ACAP2: variants seen among roughly 807,000 people sequenced by gnomAD.
ACAP2 encodes ArfGAP with coiled-coil, ankyrin repeat and PH domains 2, also known as arf-GAP with coiled-coil, ANK repeat and PH domain-containing protein 2.
Under a neutral mutation model 115.8 loss-of-function variants are expected in ACAP2, and 39 were observed. The ratio of observed to expected loss-of-function variants is 0.34; its 90% CI spans 0.26 to 0.44. The LOEUF (loss-of-function observed/expected upper bound fraction) is 0.44. Ranked by LOEUF, ACAP2 falls within the 20% of genes least tolerant of loss-of-function variation. The pLI is 1.00. For missense variants in ACAP2, 662 were observed against 927.6 expected (o/e 0.71, Z 3.72); for synonymous variants, 289 against 315.8 (o/e 0.92, Z 0.90).
In ACAP2 at chr3:195,292,364, G is replaced by C; in HGVS notation, c.1854C>G (p.Asn618Lys). The C allele has an allele frequency of 6.2e-7, 1 of 1,614,034 alleles. No homozygotes were observed. Among genetic ancestry groups the C allele is most frequent in the African/African-American group, 1.3e-5 (1 of 75,022 alleles). Residue 618 changes from asparagine (N) to lysine (K), a missense_variant, in exon 19 of 23, where the codon AAC (asparagine) becomes AAG (lysine). This residue lies in a region of ACAP2 where 133 missense variants were observed against 123.1 expected (regional missense o/e 1.08). Transcript: ENST00000326793. ...LQLYRASYEK[N>K]LPKMAEALAH... is the part of the protein sequence containing the mutation. ...CCAAAGCCTCAGCCATTTTAGGAAG[G>C]TTTTTTTCATATGACGCCCTATAAA...
intron 6 of ACAP2, 39 bp from the exon 7 acceptor site, chr3:195,337,015 T>G (rs775863997): frequency 6.4e-7 from 1 of 1,557,456 alleles, no homozygotes; most frequent in Non-Finnish European, 8.8e-7. Context: ...CCATGCATTA[T>G]TTTAAAGCTA....
chr3:195,438,314 C>A (rs1236835590), intron 1 of ACAP2, among the ~76,000 whole-genome samples: 1 of 151,754 alleles, frequency 6.6e-6, no homozygotes, highest in Non-Finnish European at 1.5e-5. Context: ...AGGTTTGAGC[C>A]ACCACACCCA....
intron 1 of ACAP2, among the ~76,000 whole-genome samples, chr3:195,416,265 GAA>G (rs1247460673): frequency 6.6e-6 from 1 of 151,690 alleles, no homozygotes; most frequent in Non-Finnish European, 1.5e-5. Context: ...AGAATCGCTT[GAA>G]CCCAGGAGGC....
intron 1 of ACAP2, among the ~76,000 whole-genome samples, chr3:195,424,279 ATATATTTTTTTTTT>A (rs1714466202): frequency 2.0e-5 from 1 of 50,698 alleles, no homozygotes; most frequent in African/African-American, 7.0e-5. Context: ...ATATATATAT[ATATATTTTTTTTTT>A]TTTTTTTTTT....
At chr3:195,409,990 A>G (rs1713127027) in intron 1 of ACAP2, among the ~76,000 whole-genome samples, 1 of 152,122 alleles carries the variant, frequency 6.6e-6, no homozygotes, top group African/African-American at 2.4e-5. Flanking sequence ...AAAGAAAAGC[A>G]AAACTGGAGG....
chr3:195,293,637 T>C (rs544270415), intron 18 of ACAP2, among the ~76,000 whole-genome samples: 2 of 151,210 alleles, frequency 1.3e-5, no homozygotes, highest in South Asian at 4.2e-4. Context: ...AAGTCAGGAG[T>C]TCAAGACCAG....
chr3:195,433,746 T>C (rs531877503), intron 1 of ACAP2, among the ~76,000 whole-genome samples: 2 of 152,366 alleles, frequency 1.3e-5, no homozygotes, highest in South Asian at 4.1e-4. Flanking sequence ...GTATATTGCA[T>C]TGATTGATTT....
chr3:195,416,073 C>T (rs931111812), intron 1 of ACAP2, among the ~76,000 whole-genome samples: 1 of 152,138 alleles, frequency 6.6e-6, no homozygotes, highest in Admixed American at 6.5e-5. Flanking sequence ...GTCAGATGGG[C>T]GTGGTGGCTC....
rs190373907 is a variant in ACAP2 at position 195,402,079 on chromosome 3, C to T, written c.54-9932G>A. On this transcript the variant is annotated intron_variant, in intron 1 of 22. Coordinates refer to ENST00000326793, the MANE Select transcript of ACAP2 (RefSeq NM_012287.6). ...TGCACACTTCAAACAGAGCGCCTGA[C>T]ATTCAATTTACTAATGATAATTAAA... 1.2e-3 allele frequency among the ~76,000 whole-genome samples: 179 copies of T among 152,274 alleles called. 1 individual carries two copies. The highest frequency in any genetic ancestry group is 2.4e-4 in the Non-Finnish European group (16 of 68,028).
intron 10 of ACAP2, among the ~76,000 whole-genome samples, chr3:195,310,059 T>C (rs145153944): frequency 3.3e-5 from 5 of 152,358 alleles, no homozygotes; most frequent in East Asian, 3.9e-4. Flanking sequence ...ACATTAGTTA[T>C]TAATCAATTA....
intron 1 of ACAP2, among the ~76,000 whole-genome samples, chr3:195,414,969 G>A (rs186329422): frequency 1.1e-4 from 17 of 152,336 alleles, no homozygotes; most frequent in Admixed American, 1.0e-3. Context: ...GCTGCTGGGA[G>A]TTGGGGTAAA....
intron 7 of ACAP2, among the ~76,000 whole-genome samples, chr3:195,334,600 G>A (rs926334633): frequency 1.1e-4 from 16 of 151,966 alleles, no homozygotes; most frequent in African/African-American, 2.9e-4. Flanking sequence ...CAAAAAACAC[G>A]GAAAAATGTT....
intron 8 of ACAP2, among the ~76,000 whole-genome samples, chr3:195,329,633 C>A (rs1730040812): frequency 2.6e-5 from 4 of 152,194 alleles, no homozygotes; most frequent in African/African-American, 9.7e-5. Context: ...CATCTACCCA[C>A]TGTCATTCCG....
At chr3:195,348,807 T>C (rs1731349945) in intron 4 of ACAP2, among the ~76,000 whole-genome samples, 1 of 152,160 alleles carries the variant, frequency 6.6e-6, no homozygotes, top group Non-Finnish European at 1.5e-5. Context: ...ACATATAAGG[T>C]ACCTTCCTTG....
chr3:195,347,084 T>C (rs1396431867), intron 4 of ACAP2, among the ~76,000 whole-genome samples: 3 of 152,058 alleles, frequency 2.0e-5, no homozygotes. Context: ...CATGAAGTTA[T>C]ATGCCACAAA....
chr3:195,316,634 A>G (rs1183780370), intron 10 of ACAP2, among the ~76,000 whole-genome samples: 1 of 152,050 alleles, frequency 6.6e-6, no homozygotes, highest in East Asian at 1.9e-4. Context: ...CCTGGCCTCA[A>G]GTGATACACC....
intron 20 of ACAP2, 39 bp downstream of exon 20, chr3:195,291,667 C>A: frequency 6.6e-7 from 1 of 1,521,536 alleles, no homozygotes; most frequent in Non-Finnish European, 8.9e-7. Context: ...AATAATTTTT[C>A]AAATAAAGTC....
chr3:195,370,102 G>A (rs1055141274), intron 4 of ACAP2, among the ~76,000 whole-genome samples: 10 of 152,096 alleles, frequency 6.6e-5, no homozygotes, highest in South Asian at 2.1e-4. Context: ...TAACTGGGTT[G>A]TTTTTTGCTT....
At chr3:195,325,046 C>A (rs1366965826) in intron 9 of ACAP2, among the ~76,000 whole-genome samples, 1 of 152,126 alleles carries the variant, frequency 6.6e-6, no homozygotes, top group Non-Finnish European at 1.5e-5. Context: ...TCATTAGTCA[C>A]TGAAGAAGTT....
Sources: allele counts gnomAD v4.1 joint callset (sites outside exome capture counted in the v4.1 genomes callset), GRCh38; gene constraint gnomAD v4.1.1; regional missense constraint gnomAD v4.1.1; transcripts MANE v1.5; gene names NCBI Gene and HGNC (gene_info 2026-07-23, HGNC 2026-07-21).